COL4A1: variants seen among roughly 807,000 people sequenced by gnomAD.
COL4A1 encodes the protein collagen alpha-1(IV) chain.
Under a neutral mutation model 216.6 loss-of-function variants are expected in COL4A1, and 40 were observed. That is an observed-to-expected ratio of 0.18 (90% CI 0.14 to 0.24). The LOEUF (loss-of-function observed/expected upper bound fraction) is 0.24. Ranked by LOEUF, COL4A1 falls within the 10% of genes least tolerant of loss-of-function variation. The pLI is 1.00. For synonymous variants in COL4A1, 839 were observed against 810.7 expected (o/e 1.03, Z -0.59); for missense variants, 1,628 against 2,196.8 (o/e 0.74, Z 5.18).
intron 1 of COL4A1, among the ~76,000 whole-genome samples, chr13:110,285,592 T>C (rs9583478): frequency 0.017 from 2,526 of 152,274 alleles, 69 homozygotes; most frequent in African/African-American, 0.057. Context: ...CTGCATGAGA[T>C]GAACATTTGA....
chr13:110,206,788 T>C, intron 14 of COL4A1, 73 bp from the exon 15 acceptor site: 2 of 1,608,796 alleles, frequency 1.2e-6, no homozygotes, highest in South Asian at 2.2e-5. Context: ...GATATTAAAC[T>C]TAAGGTGAAA....
intron 17 of COL4A1, among the ~76,000 whole-genome samples, chr13:110,204,236 G>A (rs1435475090): frequency 6.6e-6 from 1 of 152,094 alleles, no homozygotes; most frequent in Non-Finnish European, 1.5e-5. Flanking sequence ...CCAAAGATAT[G>A]TACATTTTAC....
intron 1 of COL4A1, among the ~76,000 whole-genome samples, chr13:110,292,080 C>A (rs1400456658): frequency 6.6e-6 from 1 of 152,214 alleles, no homozygotes; most frequent in African/African-American, 2.4e-5. Context: ...TTTCCCACCA[C>A]CCTCAGAAGT....
chr13:110,238,245 A>T (rs1881411816), intron 2 of COL4A1, among the ~76,000 whole-genome samples: 1 of 152,242 alleles, frequency 6.6e-6, no homozygotes. Context: ...CACAGTTGTC[A>T]CTACTCACTA....
At position 110,179,370 on chromosome 13, in the gene COL4A1, C is replaced by T. The variant is rs113994109; in HGVS notation, c.2245G>A (p.Gly749Ser). 1.2e-6 allele frequency: 2 copies of T among 1,614,074 alleles called. No individual in the cohort carries two copies. Among genetic ancestry groups the T allele is most frequent in the Non-Finnish European group, 1.7e-6 (2 of 1,180,016 alleles). ...TTCTCCCCGGGTGTGCCAGGAATGC[C>T]GGGAAGACCTGGCAAACCTTTGAGT... is the stretch of plus-strand genomic sequence containing the variant. ...PGLKGLPGLP[G>S]IPGTPGEKGS... is the part of the protein sequence containing the mutation. The change falls in exon 30 of 52, where the codon GGC becomes AGC. Residue 749 changes from glycine (G) to serine (S), a missense_variant. This residue lies in a region of COL4A1 where 701 missense variants were observed against 892.5 expected (regional missense o/e 0.79). Transcript: ENST00000375820.
intron 1 of COL4A1, among the ~76,000 whole-genome samples, chr13:110,296,739 T>C (rs140860580): frequency 2.5e-4 from 38 of 152,320 alleles, no homozygotes; most frequent in African/African-American, 8.7e-4. Context: ...TCAGACCCCA[T>C]TGCCAGGAAT....
intron 11 of COL4A1, among the ~76,000 whole-genome samples, chr13:110,209,121 G>A (rs1879651232): frequency 6.8e-6 from 1 of 146,970 alleles, no homozygotes; most frequent in Non-Finnish European, 1.5e-5. Context: ...AAAATTTACA[G>A]TTTTTAAACT....
At chr13:110,249,001 T>C (rs1042983191) in intron 1 of COL4A1, among the ~76,000 whole-genome samples, 9 of 152,210 alleles carry the variant, frequency 5.9e-5, no homozygotes, top group Admixed American at 5.9e-4. Flanking sequence ...CCGCGGTGGC[T>C]GTGAGGCTCT....
intron 49 of COL4A1, among the ~76,000 whole-genome samples, chr13:110,159,923 T>C (rs1276398371): frequency 2.3e-5 from 3 of 128,744 alleles, no homozygotes; most frequent in Non-Finnish European, 3.6e-5. Flanking sequence ...GGACAGAAAG[T>C]AGAATGGGGG....
chr13:110,227,388 AC>A (rs35979835), intron 2 of COL4A1, among the ~76,000 whole-genome samples: 1 of 35,882 alleles, frequency 2.8e-5, no homozygotes, highest in African/African-American at 9.4e-5. Flanking sequence ...GGTACGGTAG[AC>A]ACACACACAC....
chr13:110,192,124 C>G, intron 24 of COL4A1, 90 bp downstream of exon 24: 1 of 1,334,160 alleles, frequency 7.5e-7, no homozygotes, highest in East Asian at 2.3e-5. Context: ...AAGGCAGAAG[C>G]CATGCTTGCA....
rs115942026 is a variant in COL4A1 at position 110,250,900 on chromosome 13, C to A, written c.85-8166G>T. On this transcript the variant is annotated intron_variant, in intron 1 of 51. Coordinates refer to ENST00000375820, the MANE Select transcript of COL4A1 (RefSeq NM_001845.6). The stretch of plus-strand genomic sequence containing the variant: ...ATGTAGACTTGAGAGACATTTCGTT[C>A]TCTCAATGAAACTCAAACTCCCTAA... Among the ~76,000 whole-genome samples the A allele has an allele frequency of 5.9e-3, 894 of 152,340 alleles. 10 individuals carry two copies. Among genetic ancestry groups the A allele is most frequent in the African/African-American group, 0.021 (868 of 41,586 alleles).
chr13:110,211,902 C>T lies in COL4A1; in HGVS notation c.408G>A (p.Gly136=). Residue 136 remains glycine (G), a synonymous_variant, in exon 7 of 52, where the codon GGG becomes GGA. Coordinates refer to ENST00000375820, the MANE Select transcript of COL4A1 (RefSeq NM_001845.6). This position sits in a 1 kb window ranked among gnomAD's most constrained non-coding sequence, Gnocchi z 4.3. The part of the protein sequence containing the change: ...NGTKGERGPL[G]PPGLPGFAGN... ...CAGCGAAACCAGGCAAGCCAGGAGG[C>T]CCGAGCGGCCCTCTCTCCCCCTGGG... The T allele has an allele frequency of 6.2e-7, 1 of 1,614,132 alleles. No individual in the cohort carries two copies. Among genetic ancestry groups the T allele is most frequent in the Non-Finnish European group, 8.5e-7 (1 of 1,180,016 alleles).
intron 1 of COL4A1, among the ~76,000 whole-genome samples, chr13:110,306,389 C>A (rs920718800): frequency 1.3e-5 from 2 of 152,222 alleles, no homozygotes; most frequent in Admixed American, 6.5e-5. Flanking sequence ...GCGCCTTAGG[C>A]AGCAGTCGTG....
intron 40 of COL4A1, 56 bp downstream of exon 40, chr13:110,173,844 G>C: frequency 1.2e-6 from 2 of 1,602,504 alleles, no homozygotes; most frequent in South Asian, 1.1e-5. Context: ...GCAGTCTGCA[G>C]GTCTCTGGGA....
intron 28 of COL4A1, among the ~76,000 whole-genome samples, chr13:110,182,701 A>G (rs1022809984): frequency 6.6e-6 from 1 of 152,162 alleles, no homozygotes; most frequent in Admixed American, 6.5e-5. Context: ...AGTCTTCCTC[A>G]CGGATAAAAA....
intron 26 of COL4A1, 32 bp from the exon 27 acceptor site, chr13:110,183,308 G>T (rs1432936353): frequency 1.3e-6 from 2 of 1,594,120 alleles, no homozygotes. Flanking sequence ...GACAAACGAT[G>T]AAGGAATGAG....
At position 110,150,584 on chromosome 13, in the gene COL4A1, G is replaced by A. The variant is rs1876456398; in HGVS notation, c.4929-140C>T. ...GCCTCAACCTGGTACCACCCAGTGA[G>A]CAGGCAGGTGCTGGGTGCAGTGCAC... On this transcript the variant is annotated intron_variant, in intron 51 of 51. Transcript: ENST00000375820. 10 of 806,540 alleles carry A rather than the reference G, an allele frequency of 1.2e-5. No homozygotes were observed. In the South Asian group the frequency reaches 1.4e-4, roughly 12 times the overall value. 50.0% of individuals were successfully genotyped at this position (806,540 alleles called of 1,614,324 possible).
At chr13:110,271,393 C>T (rs1009262571) in intron 1 of COL4A1, among the ~76,000 whole-genome samples, 2 of 152,186 alleles carry the variant, frequency 1.3e-5, no homozygotes, top group African/African-American at 2.4e-5. Context: ...CTGGTAGGCA[C>T]CACCTGAGCC....
Sources: allele counts gnomAD v4.1 joint callset (sites outside exome capture counted in the v4.1 genomes callset), GRCh38; gene constraint gnomAD v4.1.1; regional missense constraint gnomAD v4.1.1; non-coding constraint Gnocchi (gnomAD v3.1); transcripts MANE v1.5; gene names NCBI Gene and HGNC (gene_info 2026-07-23, HGNC 2026-07-21).